Variants in IGFBP7 observed in about 807,000 individuals in gnomAD.
IGFBP7 encodes the protein insulin-like growth factor-binding protein 7.
A neutral mutation model predicts 29.4 loss-of-function variants in IGFBP7; 31 were observed. The observed-to-expected ratio is 1.05, with a 90% CI of 0.79 to 1.42. The LOEUF (loss-of-function observed/expected upper bound fraction) is 1.42. Ranked by LOEUF, IGFBP7 falls within the 40% of genes most tolerant of loss-of-function variation. The pLI is 0.00. For missense variants in IGFBP7, 393 were observed against 395.5 expected (o/e 0.99, Z 0.05); for synonymous variants, 172 against 174.9 (o/e 0.98, Z 0.13).
At chr4:57,099,122 G>A (rs958615474) in intron 1 of IGFBP7, among the ~76,000 whole-genome samples, 1 of 152,194 alleles carries the variant, frequency 6.6e-6, no homozygotes, top group African/African-American at 2.4e-5. Context: ...CTGTGGTGAT[G>A]TAAATGAAAA....
chr4:57,041,361 AAAAATC>A (rs1040313781), intron 1 of IGFBP7, among the ~76,000 whole-genome samples: 6 of 152,198 alleles, frequency 3.9e-5, no homozygotes, highest in Non-Finnish European at 8.8e-5. Flanking sequence ...AATGAAGAAA[AAAAATC>A]TAAGAGAATA....
chr4:57,068,669 G>T (rs1158408624), intron 1 of IGFBP7, among the ~76,000 whole-genome samples: 1 of 152,188 alleles, frequency 6.6e-6, no homozygotes, highest in Non-Finnish European at 1.5e-5. Context: ...GCACATGAAA[G>T]GTTGAACTGT....
intron 1 of IGFBP7, among the ~76,000 whole-genome samples, chr4:57,070,135 C>T (rs561703038): frequency 3.3e-5 from 5 of 152,268 alleles, no homozygotes; most frequent in African/African-American, 9.6e-5. Context: ...GGGAACTATT[C>T]AGCACCAGCC....
intron 3 of IGFBP7, 40 bp from the exon 4 acceptor site, chr4:57,032,592 C>T: frequency 1.3e-6 from 2 of 1,510,322 alleles, no homozygotes; most frequent in South Asian, 2.2e-5. Context: ...CTGTGGTGGT[C>T]TTCTCTTTTG....
chr4:57,058,899 C>T (rs1724733532), intron 1 of IGFBP7, among the ~76,000 whole-genome samples: 1 of 152,036 alleles, frequency 6.6e-6, no homozygotes, highest in Admixed American at 6.6e-5. Flanking sequence ...AACAAATTTA[C>T]AAGAAAAAAC....
In IGFBP7 at chr4:57,105,927, G is replaced by T. The variant is rs1296407404; in HGVS notation, c.475+3950C>A. Among the ~76,000 whole-genome samples, 6 of 87,114 alleles carry T rather than the reference G, an allele frequency of 6.9e-5. No homozygotes were observed. The Admixed American group carries it at 7.2e-4, about 11-fold the overall frequency. The allele number at this position is 87,114 out of a possible 152,430, so 57.2% of individuals were successfully genotyped here. On this transcript the variant is annotated intron_variant, in intron 1 of 4. Transcript: ENST00000295666. ...TTTAAATTTTTTTTTTTTTTTTTGAGATGGAGTCTTGCTCTTTTGCCCAGG... is the reference window on the plus strand; with the variant it reads ...TTTAAATTTTTTTTTTTTTTTTTGATATGGAGTCTTGCTCTTTTGCCCAGG...
chr4:57,066,889 A>C (rs1413621744), intron 1 of IGFBP7, among the ~76,000 whole-genome samples: 1 of 152,100 alleles, frequency 6.6e-6, no homozygotes, highest in Non-Finnish European at 1.5e-5. Flanking sequence ...AAGAAAAAAA[A>C]ACTGAATAAT....
chr4:57,038,819 C>T (rs972934804), intron 2 of IGFBP7, among the ~76,000 whole-genome samples: 1 of 152,050 alleles, frequency 6.6e-6, no homozygotes, highest in Non-Finnish European at 1.5e-5. Flanking sequence ...GTAATCCTAG[C>T]ACTTTGGGAG....
intron 1 of IGFBP7, among the ~76,000 whole-genome samples, chr4:57,041,987 C>G (rs1214590882): frequency 6.6e-6 from 1 of 152,164 alleles, no homozygotes; most frequent in East Asian, 1.9e-4. Context: ...GGAGAGGGCC[C>G]TTTCCCAGCG....
At chr4:57,109,195 G>A (rs778155225) in intron 1 of IGFBP7, among the ~76,000 whole-genome samples, 1 of 151,982 alleles carries the variant, frequency 6.6e-6, no homozygotes, top group Non-Finnish European at 1.5e-5. Context: ...CAGCAGGCCG[G>A]GATTACTTGA....
At chr4:57,048,557 A>G (rs1313062751) in intron 1 of IGFBP7, among the ~76,000 whole-genome samples, 1 of 152,248 alleles carries the variant, frequency 6.6e-6, no homozygotes, top group Non-Finnish European at 1.5e-5. Flanking sequence ...CACAAAACAC[A>G]CAAATATCAT....
At chr4:57,070,624 A>G (rs1164007711) in intron 1 of IGFBP7, among the ~76,000 whole-genome samples, 2 of 152,238 alleles carry the variant, frequency 1.3e-5, no homozygotes, top group African/African-American at 4.8e-5. Context: ...CCACATTTAT[A>G]ATGATGTAAG....
intron 1 of IGFBP7, among the ~76,000 whole-genome samples, chr4:57,088,465 TCA>T (rs1725550894): frequency 6.6e-6 from 1 of 152,158 alleles, no homozygotes; most frequent in East Asian, 1.9e-4. Flanking sequence ...CCTACCACTC[TCA>T]GTTTCTGCTT....
intron 1 of IGFBP7, among the ~76,000 whole-genome samples, chr4:57,072,104 G>A (rs546284887): frequency 6.6e-6 from 1 of 152,178 alleles, no homozygotes; most frequent in African/African-American, 2.4e-5. Flanking sequence ...CAGGTATTAA[G>A]CTCAGTACTC....
At chr4:57,072,714 C>T (rs1725084111) in intron 1 of IGFBP7, 1 of 437,514 alleles carries the variant, frequency 2.3e-6, no homozygotes, top group Non-Finnish European at 4.5e-6. Context: ...GAGTTGGTGA[C>T]CTTCACAATG....
chr4:57,041,413 GTC>G (rs1264673568), intron 1 of IGFBP7, among the ~76,000 whole-genome samples: 1 of 152,244 alleles, frequency 6.6e-6, no homozygotes, highest in African/African-American at 2.4e-5. Flanking sequence ...CAAGATGGAA[GTC>G]TCTGCCTCAA....
At chr4:57,047,537 T>A (rs1220339769) in intron 1 of IGFBP7, among the ~76,000 whole-genome samples, 2 of 152,118 alleles carry the variant, frequency 1.3e-5, no homozygotes, top group Non-Finnish European at 2.9e-5. Context: ...AGTTCTAACC[T>A]TGGAAGAAAA....
intron 1 of IGFBP7, among the ~76,000 whole-genome samples, chr4:57,055,993 C>G (rs910677734): frequency 2.6e-5 from 4 of 151,996 alleles, no homozygotes; most frequent in African/African-American, 7.3e-5. Flanking sequence ...TTTGTACTTG[C>G]GTATGTTTTT....
chr4:57,032,675 C>G (rs1311055127), intron 3 of IGFBP7, 123 bp from the exon 4 acceptor site: 13 of 798,540 alleles, frequency 1.6e-5, no homozygotes, highest in Non-Finnish European at 2.6e-5. Flanking sequence ...AAAGGTACTG[C>G]TAGAAGCAGT....
Sources: gnomAD v4.1 joint callset for allele counts (sites outside exome capture counted in the v4.1 genomes callset) on GRCh38, gnomAD v4.1.1 for gene constraint, MANE v1.5 for transcripts, NCBI Gene and HGNC (gene_info 2026-07-23, HGNC 2026-07-21) for gene names.